The following SON variants were observed in gnomAD, a reference collection of about 807,000 sequenced individuals.
SON encodes the protein SON DNA and RNA binding protein.
Under a neutral mutation model 173.3 loss-of-function variants are expected in SON, and 4 were observed. The observed-to-expected ratio is 0.02, with a 90% CI of 0.01 to 0.05. The LOEUF (loss-of-function observed/expected upper bound fraction) is 0.05. Ranked by LOEUF, SON falls within the 10% of genes least tolerant of loss-of-function variation. The probability of loss-of-function intolerance (pLI) is 1.00; values close to 1 mark genes in which losing one functional copy is unlikely to be tolerated. For synonymous variants in SON, 1,190 were observed against 1,105.9 expected (o/e 1.08, Z -1.51); for missense variants, 2,626 against 3,055.3 (o/e 0.86, Z 3.31).
Position 33,555,026 on chromosome 21 carries a change from A to G in SON, c.5795A>G (p.His1932Arg). 6.2e-7 allele frequency: 1 copy of G among 1,613,116 alleles called. No homozygotes were observed. The highest frequency in any genetic ancestry group is 8.5e-7 in the Non-Finnish European group (1 of 1,179,958). The change falls in exon 3 of 12, where the codon CAT becomes CGT. Residue 1932 changes from histidine to arginine, a missense_variant. This residue lies in a region of SON where 138 missense variants were observed against 222.9 expected (regional missense o/e 0.62). Transcript: ENST00000356577. ...ACCCCAAGTCGTCGGAGTCGGAGTC[A>G]TACTCCAAGTCGTCGACGAAGGTCT... ...SRTPSRRSRS[H>R]TPSRRRRSRS...
At chr21:33,556,949 T>A (rs56288237) in intron 3 of SON, among the ~76,000 whole-genome samples, 1 of 151,300 alleles carries the variant, frequency 6.6e-6, no homozygotes, top group South Asian at 2.1e-4. Flanking sequence ...GCTGAAAAAC[T>A]TTGAGCCAGT....
chr21:33,554,832 A>G lies in SON; in HGVS notation c.5601A>G (p.Ser1867=). The part of the protein sequence containing the change: ...HRSQTRSRSR[S]RRRRRSSRSR... ...CTCAGACACGTTCACGGTCACGTTC[A>G]AGACGCAGGAGGAGAAGCAGCAGAT... The change falls in exon 3 of 12, where the codon TCA becomes TCG. Residue 1867 remains serine, a synonymous_variant. Transcript: ENST00000356577. 3 of 1,614,064 alleles carry G rather than the reference A, an allele frequency of 1.9e-6. No individual in the cohort carries two copies. The highest frequency in any genetic ancestry group is 2.5e-6 in the Non-Finnish European group (3 of 1,180,048).
rs1254896729 is a variant in SON at position 33,551,244 on chromosome 21, G to C, written c.2013G>C (p.Gln671His). Residue 671 changes from glutamine to histidine, a missense_variant, in exon 3 of 12, where the codon CAG (glutamine) becomes CAC (histidine). This residue lies in a region of SON where 182 missense variants were observed against 193.6 expected (regional missense o/e 0.94). Transcript: ENST00000356577. ...AGCTGTCAACGATGACCGTGTCGCA[G>C]TCCCTGGAGGTGCCCTCGACGACAG... ...TSELSTMTVS[Q>H]SLEVPSTTAL... 3.1e-6 allele frequency: 5 copies of C among 1,614,160 alleles called. No homozygotes were observed. Among genetic ancestry groups the C allele is most frequent in the Non-Finnish European group, 4.2e-6 (5 of 1,179,996 alleles).
intron 9 of SON, 155 bp from the exon 10 acceptor site, chr21:33,575,437 AAAAG>A (rs1470424442): frequency 2.0e-6 from 1 of 504,600 alleles, no homozygotes. Flanking sequence ...GAAAAACAGT[AAAAG>A]AGAAGAAAGA....
rs563075825 is a variant in SON, at chr21:33,572,030, T to C, written c.6886-1278T>C. 6.6e-5 allele frequency: 10 copies of C among 152,206 alleles called. No homozygotes were observed. In the South Asian group the frequency reaches 2.1e-3, roughly 32 times the overall value. 9.4% of individuals were successfully genotyped at this position (152,206 alleles called of 1,614,324 possible). A position where few individuals can be genotyped will look rare whatever the true frequency, so the allele number is the denominator to read the frequency against. On this transcript the variant is annotated intron_variant, in intron 8 of 11. Coordinates refer to ENST00000356577, the MANE Select transcript of SON (RefSeq NM_138927.4). Reference sequence around the variant, plus strand: ...TACAAAGCTGGGAAACAAAAGATGATAGATACAGTTTTACTACTGCATACA... The same window carrying C: ...TACAAAGCTGGGAAACAAAAGATGACAGATACAGTTTTACTACTGCATACA...
chr21:33,549,762 T>G lies in SON; in HGVS notation c.531T>G (p.Ser177=). The change falls in exon 3 of 12, where the codon TCT becomes TCG. Residue 177 remains serine, a synonymous_variant. Transcript: ENST00000356577. ...LELPTRAFGP[S]ETNESPAVVL... ...TTCCTACAAGAGCATTTGGCCCATCTGAGACCAATGAATCCCCTGCAGTTG... is the reference window on the plus strand; with the variant it reads ...TTCCTACAAGAGCATTTGGCCCATCGGAGACCAATGAATCCCCTGCAGTTG... The G allele has an allele frequency of 6.2e-7, 1 of 1,614,220 alleles. No homozygotes were observed. The highest frequency in any genetic ancestry group is 8.5e-7 in the Non-Finnish European group (1 of 1,180,038).
chr21:33,562,647 C>T (rs2086090661), intron 6 of SON, among the ~76,000 whole-genome samples: 1 of 152,204 alleles, frequency 6.6e-6, no homozygotes, highest in African/African-American at 2.4e-5. Context: ...ATAGCATCGT[C>T]TTCATACTCA....
intron 6 of SON, among the ~76,000 whole-genome samples, chr21:33,561,480 A>G (rs1053595507): frequency 2.0e-5 from 3 of 152,202 alleles, no homozygotes; most frequent in Non-Finnish European, 4.4e-5. Flanking sequence ...CTGTATGACA[A>G]ATATTTTCCA....
rs549938260 is a variant in SON at position 33,566,676 on chromosome 21, G to A, written c.6658-481G>A. 2.7e-4 allele frequency among the ~76,000 whole-genome samples: 41 copies of A among 152,236 alleles called. 1 individual carries two copies. The South Asian group carries it at 8.5e-3, about 32-fold the overall frequency. On this transcript the variant is annotated intron_variant, in intron 6 of 11. Transcript: ENST00000356577. ...GAAGATGTTAAAGATACGCTGATGA[G>A]TAAAGGAGTGATCATAGTGGTTTTC...
chr21:33,548,769 AATTAT>A (rs2085682905), intron 2 of SON, among the ~76,000 whole-genome samples: 1 of 152,228 alleles, frequency 6.6e-6, no homozygotes, highest in Non-Finnish European at 1.5e-5. Context: ...TAATCGCAAA[AATTAT>A]ATTATGTGGG....
intron 8 of SON, chr21:33,572,710 A>G (rs571455288): frequency 1.4e-5 from 9 of 662,422 alleles, no homozygotes; most frequent in South Asian, 1.1e-4. Context: ...TCATTTTGGC[A>G]TACTTACAGG....
At chr21:33,562,433 T>G (rs1370105274) in intron 6 of SON, among the ~76,000 whole-genome samples, 1 of 152,138 alleles carries the variant, frequency 6.6e-6, no homozygotes, top group Non-Finnish European at 1.5e-5. Flanking sequence ...TCTTTGTTGT[T>G]GAGCATAAAA....
intron 1 of SON, among the ~76,000 whole-genome samples, chr21:33,545,098 T>C (rs1279202059): frequency 1.3e-5 from 2 of 152,178 alleles, no homozygotes; most frequent in African/African-American, 4.8e-5. Context: ...CTGTTATAGA[T>C]GGTGTGTAAG....
rs554785726 is a variant in SON, at chr21:33,551,233, A to T, written c.2002A>T (p.Thr668Ser). Residue 668 changes from threonine to serine, a missense_variant, in exon 3 of 12, where the codon ACC becomes TCC. By Grantham distance (58) the Thr-to-Ser change is moderately conservative (BLOSUM62 1). Around this residue, in one of 13 missense-constraint regions of SON, gnomAD observed 182 missense variants for 193.6 expected, o/e 0.94. Coordinates refer to ENST00000356577, the MANE Select transcript of SON (RefSeq NM_138927.4). ...VVTTSELSTM[T>S]VSQSLEVPST... The stretch of plus-strand genomic sequence containing the variant: ...GACAACATCGGAGCTGTCAACGATG[A>T]CCGTGTCGCAGTCCCTGGAGGTGCC... The T allele has an allele frequency of 2.7e-5, 43 of 1,614,008 alleles. 1 individual carries two copies. The South Asian group carries it at 4.2e-4, about 16-fold the overall frequency.
In SON at chr21:33,559,861, GTT is replaced by G; in HGVS notation, c.6657+88_6657+89del. ...TTATGTTATGTCTGATTTGGATTCTGTTTCACTCTTCTTAGGGCCGGGTTAAA... is the reference window on the plus strand; with the variant it reads ...TTATGTTATGTCTGATTTGGATTCTGTCACTCTTCTTAGGGCCGGGTTAAA... On this transcript the variant is annotated intron_variant, in intron 6 of 11. Coordinates refer to ENST00000356577, the MANE Select transcript of SON (RefSeq NM_138927.4). The surrounding 1 kb of genome is among the most constrained non-coding windows in gnomAD (Gnocchi z 4.1). The G allele has an allele frequency of 6.2e-7, 1 of 1,603,036 alleles. No homozygotes were observed. The highest frequency in any genetic ancestry group is 8.5e-7 in the Non-Finnish European group (1 of 1,172,742).
rs771198844 is a variant in SON at position 33,553,500 on chromosome 21, G to A, written c.4269G>A (p.Ala1423=). 1.4e-5 allele frequency: 22 copies of A among 1,614,026 alleles called. 1 individual carries two copies. The highest frequency in any genetic ancestry group is 1.6e-4 in the Middle Eastern group (1 of 6,084). Reference sequence around the variant, plus strand: ...CTTCTGTGCCTGTTCTGGAACCAGCGGTGTCAGTCCTTCAACCTTCTATGA... The same window carrying A: ...CTTCTGTGCCTGTTCTGGAACCAGCAGTGTCAGTCCTTCAACCTTCTATGA... ...LEPSVPVLEP[A]VSVLQPSMIV... The change falls in exon 3 of 12, where the codon GCG becomes GCA. Residue 1423 remains alanine (A), a synonymous_variant. Coordinates refer to ENST00000356577, the MANE Select transcript of SON (RefSeq NM_138927.4).
chr21:33,560,005 G>A (rs185513323), intron 6 of SON: 1 of 1,614,214 alleles, frequency 6.2e-7, no homozygotes, highest in Non-Finnish European at 8.5e-7. Context: ...GAATTGCAGA[G>A]AACAGTGTTA....
At chr21:33,543,449 G>A in intron 1 of SON, 18 of 465,988 alleles carry the variant, frequency 3.9e-5, no homozygotes, top group South Asian at 3.8e-4. Context: ...GGTCCCCCCT[G>A]CCGTTTAGCT....
At position 33,556,050 on chromosome 21, in the gene SON, G is replaced by A. The variant is rs185348170; in HGVS notation, c.6160+659G>A. ...GTGCAGAGGTGATTAAAACTTGATC[G>A]ATATGAATGATTACCTATAATAAAT... On this transcript the variant is annotated intron_variant, in intron 3 of 11. Transcript: ENST00000356577. Among the ~76,000 whole-genome samples, 4 of 152,244 alleles carry A rather than the reference G, an allele frequency of 2.6e-5. No homozygotes were observed. In the East Asian group the frequency reaches 7.7e-4, roughly 29 times the overall value.
Sources: gnomAD v4.1 joint callset for allele counts (sites outside exome capture counted in the v4.1 genomes callset) on GRCh38, gnomAD v4.1.1 for gene constraint, gnomAD v4.1.1 regional missense constraint, Gnocchi (gnomAD v3.1) non-coding constraint, MANE v1.5 for transcripts, NCBI Gene and HGNC (gene_info 2026-07-23, HGNC 2026-07-21) for gene names.